SAMD4A: variants seen among roughly 807,000 people sequenced by gnomAD.
The protein encoded by SAMD4A is sterile alpha motif domain containing 4A.
A neutral mutation model predicts 81.3 loss-of-function variants in SAMD4A; 33 were observed. That is an observed-to-expected ratio of 0.41 (90% CI 0.31 to 0.54). The LOEUF is 0.54. Among genes scored for constraint, SAMD4A ranks in the 20% least tolerant of loss-of-function variants. The pLI, the probability that SAMD4A is intolerant of heterozygous loss-of-function variation, is 0.37. For missense variants in SAMD4A, 854 were observed against 951.1 expected (o/e 0.90, Z 1.34); for synonymous variants, 389 against 382.1 (o/e 1.02, Z -0.21).
At chr14:54,776,682 G>A in intron 11 of SAMD4A, 142 bp downstream of exon 11, 1 of 1,066,308 alleles carries the variant, frequency 9.4e-7, no homozygotes, top group Non-Finnish European at 1.3e-6. Flanking sequence ...TTTTTAAACT[G>A]TGCCTTGCCA....
At chr14:54,774,302 T>C (rs1195802645) in intron 9 of SAMD4A, among the ~76,000 whole-genome samples, 1 of 152,230 alleles carries the variant, frequency 6.6e-6, no homozygotes, top group Non-Finnish European at 1.5e-5. Flanking sequence ...AAAAATAATG[T>C]CGAAGTCCCA....
At chr14:54,677,754 A>G (rs1422611807) in intron 2 of SAMD4A, among the ~76,000 whole-genome samples, 1 of 152,326 alleles carries the variant, frequency 6.6e-6, no homozygotes, top group East Asian at 1.9e-4. Flanking sequence ...TGTTTTAATT[A>G]GTCTTATAAA....
intron 2 of SAMD4A, among the ~76,000 whole-genome samples, chr14:54,656,854 G>T (rs1257296872): frequency 6.6e-6 from 1 of 152,062 alleles, no homozygotes; most frequent in Non-Finnish European, 1.5e-5. Context: ...TGATCCACCC[G>T]CTTTGGCCTC....
chr14:54,747,031 G>A (rs529352280), intron 4 of SAMD4A, among the ~76,000 whole-genome samples: 1 of 152,190 alleles, frequency 6.6e-6, no homozygotes, highest in Non-Finnish European at 1.5e-5. Flanking sequence ...AGGATAGAAG[G>A]TTCCAGACTC....
At chr14:54,716,698 G>T (rs190182615) in intron 3 of SAMD4A, among the ~76,000 whole-genome samples, 1 of 152,146 alleles carries the variant, frequency 6.6e-6, no homozygotes, top group African/African-American at 2.4e-5. Context: ...ATACTGAAAA[G>T]ATTTCTGTAG....
chr14:54,749,285 T>C (rs1224789293), intron 5 of SAMD4A, among the ~76,000 whole-genome samples: 1 of 152,172 alleles, frequency 6.6e-6, no homozygotes, highest in African/African-American at 2.4e-5. Flanking sequence ...ATCCCTGCCT[T>C]TGCTTTTCTT....
At chr14:54,668,538 T>C (rs1007955195) in intron 2 of SAMD4A, among the ~76,000 whole-genome samples, 3 of 152,220 alleles carry the variant, frequency 2.0e-5, no homozygotes, top group African/African-American at 7.2e-5. Flanking sequence ...AGACTGGTGA[T>C]TTTTTCTACT....
intron 3 of SAMD4A, among the ~76,000 whole-genome samples, chr14:54,734,611 A>G (rs1467723605): frequency 1.3e-5 from 2 of 152,200 alleles, no homozygotes; most frequent in Non-Finnish European, 2.9e-5. Flanking sequence ...TTAGGTAAAC[A>G]TTTAGCTCCA....
At chr14:54,565,847 T>A (rs2032912405), upstream of SAMD4A, among the ~76,000 whole-genome samples, 1 of 151,658 alleles carries the variant, frequency 6.6e-6, no homozygotes, top group Non-Finnish European at 1.5e-5. The surrounding 1 kb of genome is among the most constrained non-coding windows in gnomAD (Gnocchi z 5.4). Flanking sequence ...AACTTCTTCG[T>A]TCCTCTCGGA....
At chr14:54,787,753 T>TA (rs1365651150) in intron 12 of SAMD4A, among the ~76,000 whole-genome samples, 1 of 152,208 alleles carries the variant, frequency 6.6e-6, no homozygotes, top group Non-Finnish European at 1.5e-5. Context: ...CACAGACTGT[T>TA]ATAGGGGCCT....
In SAMD4A at chr14:54,785,599, GA is replaced by G. The variant is rs199837694; in HGVS notation, c.2128+981del. Among the ~76,000 whole-genome samples, 55 of 152,354 alleles carry G rather than the reference GA, an allele frequency of 3.6e-4. 1 individual carries two copies. In the East Asian group the frequency reaches 0.01, roughly 29 times the overall value. On this transcript the variant is annotated intron_variant, in intron 12 of 12. Transcript: ENST00000554335. The stretch of plus-strand genomic sequence containing the variant: ...GTCTAGACACACTTACCCACCCAGA[GA>G]AGGGCTGTCTGCACACCTAGAGCCA...
At chr14:54,777,059 A>AAACAGAGTGGT (rs1272042922) in intron 11 of SAMD4A, among the ~76,000 whole-genome samples, 1 of 152,214 alleles carries the variant, frequency 6.6e-6, no homozygotes, top group Non-Finnish European at 1.5e-5. Flanking sequence ...ATGCTTCCTA[A>AAACAGAGTGGT]AACAGAGTGG....
intron 2 of SAMD4A, among the ~76,000 whole-genome samples, chr14:54,701,595 T>A (rs564925129): frequency 4.8e-4 from 73 of 152,292 alleles, no homozygotes; most frequent in Non-Finnish European, 9.1e-4. Context: ...TTCACACAAA[T>A]GCCTTTACCA....
chr14:54,727,930 G>A (rs925872240), intron 3 of SAMD4A, among the ~76,000 whole-genome samples: 1 of 152,110 alleles, frequency 6.6e-6, no homozygotes, highest in African/African-American at 2.4e-5. Context: ...GCTGGCATCT[G>A]GGCTCAGCCC....
intron 8 of SAMD4A, among the ~76,000 whole-genome samples, chr14:54,766,991 G>A (rs531604145): frequency 1.3e-5 from 2 of 152,310 alleles, no homozygotes; most frequent in East Asian, 3.9e-4. Flanking sequence ...TCCTCTGGTT[G>A]CCCAGAGGGG....
At chr14:54,775,398 A>G (rs552609953) in intron 10 of SAMD4A, among the ~76,000 whole-genome samples, 2 of 152,278 alleles carry the variant, frequency 1.3e-5, no homozygotes, top group East Asian at 3.9e-4. Context: ...GAAATGCAAG[A>G]CCTATTTCTT....
intron 2 of SAMD4A, among the ~76,000 whole-genome samples, chr14:54,579,111 C>T (rs73269520): frequency 0.012 from 1,862 of 152,308 alleles, 39 homozygotes; most frequent in African/African-American, 0.043. Flanking sequence ...TTAGCATGTT[C>T]TGTGTGTCAC....
At chr14:54,681,695 G>A in intron 2 of SAMD4A, 1 of 677,658 alleles carries the variant, frequency 1.5e-6, no homozygotes, top group Non-Finnish European at 1.8e-6. Context: ...GCCTCCTAAA[G>A]TACTGGGATT....
intron 4 of SAMD4A, among the ~76,000 whole-genome samples, chr14:54,743,960 A>G (rs1052416703): frequency 2.0e-5 from 3 of 152,198 alleles, no homozygotes; most frequent in African/African-American, 7.2e-5. Context: ...ATCCCACTTC[A>G]GTAGTGAAGA....
Sources: allele counts gnomAD v4.1 joint callset (sites outside exome capture counted in the v4.1 genomes callset), GRCh38; gene constraint gnomAD v4.1.1; non-coding constraint Gnocchi (gnomAD v3.1); transcripts MANE v1.5; gene names NCBI Gene and HGNC (gene_info 2026-07-23, HGNC 2026-07-21).